Variants in JAKMIP3 observed in about 807,000 individuals in gnomAD.
JAKMIP3 encodes the protein janus kinase and microtubule-interacting protein 3.
JAKMIP3 carries 58 observed loss-of-function variants against 118.5 expected under a neutral mutation model. The ratio of observed to expected loss-of-function variants is 0.49; its 90% CI spans 0.40 to 0.61. The LOEUF (loss-of-function observed/expected upper bound fraction) is 0.61, where lower values mean the gene tolerates loss of function less well. JAKMIP3 is among the 20% of genes least tolerant of loss of function. JAKMIP3 has a pLI of 0.00. For missense variants in JAKMIP3, 950 were observed against 1,109.0 expected, an observed-to-expected ratio of 0.86 and a Z score of 2.04; for synonymous variants, 486 against 451.2, an observed-to-expected ratio of 1.08 and a Z score of -0.98.
At chr10:132,175,252 C>T (rs1408880143) in intron 23 of JAKMIP3, among the ~76,000 whole-genome samples, 2 of 152,312 alleles carry the variant, frequency 1.3e-5, no homozygotes, top group Non-Finnish European at 2.9e-5. Flanking sequence ...ATTTAAAACA[C>T]CTGTGATTCA....
At chr10:132,062,955 AGAAG>A (rs2038448734), upstream of JAKMIP3, among the ~76,000 whole-genome samples, 1 of 152,156 alleles carries the variant, frequency 6.6e-6, no homozygotes, top group Non-Finnish European at 1.5e-5. Context: ...GCAATATAAT[AGAAG>A]GAAGAGTGAA....
intron 1 of JAKMIP3, among the ~76,000 whole-genome samples, chr10:132,091,717 CTT>C (rs1423513405): frequency 5.9e-5 from 9 of 152,150 alleles, no homozygotes; most frequent in African/African-American, 1.9e-4. Flanking sequence ...GGTCTTGACT[CTT>C]TATCCAATTT....
chr10:132,110,861 G>A (rs1227644882), intron 2 of JAKMIP3, among the ~76,000 whole-genome samples: 1 of 152,260 alleles, frequency 6.6e-6, no homozygotes, highest in Non-Finnish European at 1.5e-5. Flanking sequence ...TCTTGAGGAA[G>A]GTGCAGCGTG....
intron 21 of JAKMIP3, 146 bp from the exon 22 acceptor site, chr10:132,166,837 C>T (rs1313898303): frequency 1.2e-5 from 8 of 642,582 alleles, no homozygotes; most frequent in East Asian, 2.8e-5. Flanking sequence ...ATCCCTCCCT[C>T]GGCACAGTCC....
At chr10:132,158,629 A>G (rs540368677) in intron 19 of JAKMIP3, among the ~76,000 whole-genome samples, 180 of 134,866 alleles carry the variant, frequency 1.3e-3, no homozygotes, top group African/African-American at 4.2e-3. Flanking sequence ...CTGTGGGAGG[A>G]GCATCTTCCT....
chr10:132,089,088 C>T (rs559130867), intron 1 of JAKMIP3, among the ~76,000 whole-genome samples: 118 of 152,196 alleles, frequency 7.8e-4, no homozygotes, highest in Non-Finnish European at 1.3e-3. Context: ...GGTACCAGTA[C>T]CATGCTGTTT....
At position 132,180,534 on chromosome 10, in the gene JAKMIP3, T is replaced by TGC. The variant is rs1371786828; in HGVS notation, c.*1104-1822_*1104-1821insCG. 1.2e-4 allele frequency among the ~76,000 whole-genome samples: 4 copies of TGC among 33,214 alleles called. No homozygotes were observed. The South Asian group carries it at 4.2e-3, about 35-fold the overall frequency. 21.8% of individuals were successfully genotyped at this position (33,214 alleles called of 152,430 possible). A position where few individuals can be genotyped will look rare whatever the true frequency, so the allele number is the denominator to read the frequency against. On this transcript the variant is annotated intron_variant, in intron 23 of 23. Transcript: ENST00000684848. ...ACCTGGAAGCAGAACTGTGTGTGTG[T>TGC]GTGTGTGTGTGCGTGCGTGCATGCG...
At chr10:132,038,324 G>A (rs533880445) in intron 1 of JAKMIP3, among the ~76,000 whole-genome samples, 1 of 152,240 alleles carries the variant, frequency 6.6e-6, no homozygotes, top group East Asian at 1.9e-4. Context: ...GGGAGCCCAC[G>A]CACAGGGCAC....
chr10:132,168,274 G>C lies in JAKMIP3; in HGVS notation c.*344G>C, dbSNP rs2059149628. ...GTGTAGCATTCCCTGCCAAGCAGGG[G>C]TGAGAACTGCTTCTGTGCAGAAGCA... On this transcript the variant is annotated 3_prime_UTR_variant, in exon 23 of 24. Transcript: ENST00000684848. The C allele has an allele frequency of 7.8e-7, 1 of 1,289,336 alleles. No homozygotes were observed. The highest frequency in any genetic ancestry group is 2.3e-5 in the Admixed American group (1 of 43,536). The allele number at this position is 1,289,336 out of a possible 1,614,324, so 79.9% of individuals were successfully genotyped here. A position where few individuals can be genotyped will look rare whatever the true frequency, so the allele number is the denominator to read the frequency against.
rs2051474627 is a variant in JAKMIP3 at position 132,135,129 on chromosome 10, A to G, written c.938A>G (p.Asn313Ser). ...ATTATCCGCAAACTGGAGGACCGCAATGCATTGCTGTCGGAAGAGAGGAAT... is the reference window on the plus strand; with the variant it reads ...ATTATCCGCAAACTGGAGGACCGCAGTGCATTGCTGTCGGAAGAGAGGAAT... ...SAIIRKLEDR[N>S]ALLSEERNEL... Residue 313 changes from asparagine to serine, a missense_variant, in exon 5 of 24, where the codon AAT (asparagine) becomes AGT (serine). By Grantham distance (46) the Asn-to-Ser change is conservative (BLOSUM62 1). Coordinates refer to ENST00000684848, the MANE Select transcript of JAKMIP3 (RefSeq NM_001323087.2). 6.2e-7 allele frequency: 1 copy of G among 1,612,712 alleles called. No individual in the cohort carries two copies. Among genetic ancestry groups the G allele is most frequent in the South Asian group, 1.1e-5 (1 of 91,050 alleles).
Position 132,151,248 on chromosome 10 carries a change from A to G in JAKMIP3, c.2007+1207A>G, listed in dbSNP as rs534742948. Among the ~76,000 whole-genome samples the G allele has an allele frequency of 2.6e-5, 4 of 152,042 alleles. No individual in the cohort carries two copies. The East Asian group carries it at 7.7e-4, about 29-fold the overall frequency. On this transcript the variant is annotated intron_variant, in intron 16 of 23. Coordinates refer to ENST00000684848, the MANE Select transcript of JAKMIP3 (RefSeq NM_001323087.2). ...TCCATCCTCCATAAGCTATTTATCC[A>G]TCTTTCCATCCTTCATCCTTTATCC...
chr10:132,046,447 C>T (rs931876572), intron 1 of JAKMIP3, among the ~76,000 whole-genome samples: 3 of 134,228 alleles, frequency 2.2e-5, no homozygotes, highest in African/African-American at 8.1e-5. Context: ...CAGAGCAAGA[C>T]TCCGTCTCAA....
In JAKMIP3 at chr10:132,175,026, C is replaced by T. The variant is rs1432439641; in HGVS notation, c.*1103+5993C>T. On this transcript the variant is annotated intron_variant, in intron 23 of 23. Coordinates refer to ENST00000684848, the MANE Select transcript of JAKMIP3 (RefSeq NM_001323087.2). ...GGATACGTGCCATTATCAGATACAC[C>T]GCTGAAAAGTATTTCTTCCAGTCTG... is the stretch of plus-strand genomic sequence containing the variant. 9.2e-5 allele frequency among the ~76,000 whole-genome samples: 14 copies of T among 152,262 alleles called. No individual in the cohort carries two copies. The East Asian group carries it at 1.9e-3, about 21-fold the overall frequency.
At chr10:132,077,208 G>A (rs950408890) in intron 1 of JAKMIP3, among the ~76,000 whole-genome samples, 4 of 149,998 alleles carry the variant, frequency 2.7e-5, no homozygotes, top group African/African-American at 7.5e-5. Context: ...GAAGAAGAGG[G>A]CCTCTGCTTC....
At position 132,117,687 on chromosome 10, in the gene JAKMIP3, C is replaced by A; in HGVS notation, c.633+113C>A. On this transcript the variant is annotated intron_variant, in intron 3 of 23. Coordinates refer to ENST00000684848, the MANE Select transcript of JAKMIP3 (RefSeq NM_001323087.2). The surrounding 1 kb of genome is among the most constrained non-coding windows in gnomAD (Gnocchi z 8.6). ...GGCGTGGGCTCGGGGAGCACGCGGG[C>A]AGCACCGGCTTCACCCCCCATGACA... 1 of 1,192,872 alleles carries A rather than the reference C, an allele frequency of 8.4e-7. No individual in the cohort carries two copies. The highest frequency in any genetic ancestry group is 3.0e-5 in the South Asian group (1 of 33,060). 73.9% of individuals were successfully genotyped at this position (1,192,872 alleles called of 1,614,324 possible). A position where few individuals can be genotyped will look rare whatever the true frequency, so the allele number is the denominator to read the frequency against.
At chr10:132,123,004 C>T (rs2048817511) in intron 3 of JAKMIP3, among the ~76,000 whole-genome samples, 1 of 152,222 alleles carries the variant, frequency 6.6e-6, no homozygotes, top group South Asian at 2.1e-4. Context: ...AGCAGAGGAA[C>T]CTGGAGCCTC....
chr10:132,047,934 C>T lies in JAKMIP3; in HGVS notation c.-138+11196C>T, dbSNP rs2037975030. 2.0e-5 allele frequency among the ~76,000 whole-genome samples: 3 copies of T among 152,330 alleles called. No individual in the cohort carries two copies. In the South Asian group the frequency reaches 6.2e-4, roughly 32 times the overall value. ...CTGGGGTGCGCGGAGCTGTGTGTGT[C>T]TCCTCGGGCTCCTCCGGCTGTGGCG... is the stretch of plus-strand genomic sequence containing the variant. On this transcript the variant is annotated intron_variant, in intron 1 of 23. Transcript: ENST00000657785.
intron 1 of JAKMIP3, among the ~76,000 whole-genome samples, chr10:132,089,541 T>C (rs566827021): frequency 5.6e-4 from 85 of 152,332 alleles, no homozygotes; most frequent in African/African-American, 1.8e-3. Context: ...ATGCTTGTGA[T>C]TTTTGCACAT....
At chr10:132,136,989 A>C (rs532723977) in intron 6 of JAKMIP3, 30 bp from the exon 7 acceptor site, 2 of 1,606,458 alleles carry the variant, frequency 1.2e-6, no homozygotes, top group Admixed American at 1.7e-5. Context: ...TCACTCCCCA[A>C]CTTGTGATGT....
Sources: gnomAD v4.1 joint callset for allele counts (sites outside exome capture counted in the v4.1 genomes callset) on GRCh38, gnomAD v4.1.1 for gene constraint, Gnocchi (gnomAD v3.1) non-coding constraint, MANE v1.5 for transcripts, NCBI Gene and HGNC (gene_info 2026-07-23, HGNC 2026-07-21) for gene names.